TXNDC12: variants seen among roughly 807,000 people sequenced by gnomAD.
TXNDC12 encodes thioredoxin domain containing 12.
TXNDC12 carries 22 observed loss-of-function variants against 24.2 expected under a neutral mutation model. The ratio of observed to expected loss-of-function variants is 0.91; its 90% CI spans 0.65 to 1.30. The LOEUF is 1.30. Ranked by LOEUF, TXNDC12 falls within the 50% of genes most tolerant of loss-of-function variation. TXNDC12 has a pLI of 0.00. For synonymous variants in TXNDC12, 58 were observed against 73.4 expected, an observed-to-expected ratio of 0.79 and a Z score of 1.07; for missense variants, 184 against 205.8, an observed-to-expected ratio of 0.89 and a Z score of 0.65.
intron 2 of TXNDC12, among the ~76,000 whole-genome samples, chr1:52,039,655 C>A (rs1051103554): frequency 6.6e-6 from 1 of 152,120 alleles, no homozygotes. Flanking sequence ...TACTGCGATA[C>A]GCAATACACT....
chr1:52,044,824 A>C (rs1433599904), intron 1 of TXNDC12, among the ~76,000 whole-genome samples: 1 of 152,130 alleles, frequency 6.6e-6, no homozygotes, highest in Non-Finnish European at 1.5e-5. Context: ...AATACAAAAA[A>C]GTTAGCCAGG....
Position 52,023,482 on chromosome 1 carries a change from T to G in TXNDC12, c.439+9A>C, listed in dbSNP as rs377360669. The G allele has an allele frequency of 5.0e-6, 8 of 1,610,452 alleles. No individual in the cohort carries two copies. The African/African-American group carries it at 9.3e-5, about 19-fold the overall frequency. The stretch of plus-strand genomic sequence containing the variant: ...GCAATAATCCTCCCTCCCTTCAGCA[T>G]AACTATACCTTGCTCGGCACTGACA... On this transcript the variant is annotated intron_variant, in intron 6 of 6. Coordinates refer to ENST00000371626, the MANE Select transcript of TXNDC12 (RefSeq NM_015913.4).
chr1:52,023,677 A>G lies in TXNDC12; in HGVS notation c.356-103T>C, dbSNP rs1432349779. On this transcript the variant is annotated intron_variant, in intron 5 of 6. Transcript: ENST00000371626. Reference sequence around the variant, plus strand: ...GCCCTCTGGGAAATAAGATCTGCCCATATTTGCAGCCCATTACCTCACCAT... The same window carrying G: ...GCCCTCTGGGAAATAAGATCTGCCCGTATTTGCAGCCCATTACCTCACCAT... 2.4e-5 allele frequency: 20 copies of G among 840,268 alleles called. 1 individual carries two copies. The highest frequency in any genetic ancestry group is 1.0e-4 in the South Asian group (7 of 68,460). 52.1% of individuals were successfully genotyped at this position (840,268 alleles called of 1,614,324 possible). A position where few individuals can be genotyped will look rare whatever the true frequency, so the allele number is the denominator to read the frequency against.
chr1:52,033,558 C>A lies in TXNDC12; in HGVS notation c.159-4928G>T, dbSNP rs934711784. On this transcript the variant is annotated intron_variant, in intron 2 of 6. Transcript: ENST00000371626. Reference sequence around the variant, plus strand: ...TGACCACGTCGTGGCGACTCAGGCGCCGTTCCACGGAGGCTCGCAGAGCTC... The same window carrying A: ...TGACCACGTCGTGGCGACTCAGGCGACGTTCCACGGAGGCTCGCAGAGCTC... 1.9e-6 allele frequency: 3 copies of A among 1,613,828 alleles called. No homozygotes were observed. In the African/African-American group the frequency reaches 4.0e-5, roughly 22 times the overall value.
At chr1:52,033,525 G>A (rs1432184639) in intron 2 of TXNDC12, 1 of 1,614,006 alleles carries the variant, frequency 6.2e-7, no homozygotes, top group South Asian at 1.1e-5. Context: ...AGTTAAGCGA[G>A]TCCAGGATGA....
At chr1:52,030,117 C>A (rs1051698723) in intron 2 of TXNDC12, among the ~76,000 whole-genome samples, 1 of 152,100 alleles carries the variant, frequency 6.6e-6, no homozygotes, top group African/African-American at 2.4e-5. Context: ...CACCTGTAAT[C>A]TCAGCACTTT....
At chr1:52,050,901 C>G (rs966434949) in intron 1 of TXNDC12, 3 of 169,668 alleles carry the variant, frequency 1.8e-5, no homozygotes, top group Admixed American at 6.5e-5. Context: ...GAACCACTCC[C>G]AATGACAGCT....
chr1:52,054,327 T>C (rs1686281337), intron 1 of TXNDC12, among the ~76,000 whole-genome samples: 2 of 152,168 alleles, frequency 1.3e-5, no homozygotes, highest in Admixed American at 6.5e-5. Flanking sequence ...AAGTAAGGGC[T>C]GATGAGGAGA....
At chr1:52,039,411 T>A (rs545874678) in intron 2 of TXNDC12, among the ~76,000 whole-genome samples, 45 of 151,966 alleles carry the variant, frequency 3.0e-4, no homozygotes, top group Non-Finnish European at 5.7e-4. Context: ...TTACTGCAAC[T>A]CCGTCTCCCA....
At position 52,041,617 on chromosome 1, in the gene TXNDC12, T is replaced by C; in HGVS notation, c.98-20A>G. 9 of 1,571,650 alleles carry C rather than the reference T, an allele frequency of 5.7e-6. No homozygotes were observed. Among genetic ancestry groups the C allele is most frequent in the Non-Finnish European group, 7.9e-6 (9 of 1,144,308 alleles). On this transcript the variant is annotated intron_variant, in intron 1 of 6. Coordinates refer to ENST00000371626, the MANE Select transcript of TXNDC12 (RefSeq NM_015913.4). ...CAAAACCTGGAAGGAAAGAACTTTA[T>C]AAGCATTCACATAATGAACAAAGGG...
intron 2 of TXNDC12, among the ~76,000 whole-genome samples, chr1:52,039,343 T>C (rs556177050): frequency 6.6e-6 from 1 of 152,212 alleles, no homozygotes; most frequent in African/African-American, 2.4e-5. Flanking sequence ...ATTTTTTTTT[T>C]TTTGAGACCA....
At chr1:52,033,278 C>T (rs1685809274) in intron 2 of TXNDC12, 5 of 1,613,794 alleles carry the variant, frequency 3.1e-6, no homozygotes, top group South Asian at 2.2e-5. Context: ...CTTCCATTTA[C>T]TACAGAGTCC....
At chr1:52,054,866 T>G (rs1686300595) in intron 1 of TXNDC12, 134 bp downstream of exon 1, 4 of 620,346 alleles carry the variant, frequency 6.4e-6, no homozygotes, top group Non-Finnish European at 5.7e-6. Context: ...CCAGGAGCGG[T>G]TGGGGAAGAT....
At chr1:52,049,041 C>T (rs2124392632) in intron 1 of TXNDC12, among the ~76,000 whole-genome samples, 1 of 152,162 alleles carries the variant, frequency 6.6e-6, no homozygotes, top group East Asian at 1.9e-4. Flanking sequence ...CATGTGGCTA[C>T]AGAACAATTG....
In TXNDC12 at chr1:52,020,974, C is replaced by T. The variant is rs764676139; in HGVS notation, c.478G>A (p.Gly160Ser). The change falls in exon 7 of 7, where the codon GGT becomes AGT. Residue 160 changes from glycine to serine, a missense_variant. Physicochemically the swap from Gly to Ser is moderately conservative, Grantham distance 56. Transcript: ENST00000371626. The stretch of plus-strand genomic sequence containing the variant: ...AGATGTTTCTTTCTGAAGGCATCAC[C>T]CGTCAGCCTTTCCTGAGCTTCCTTC... Reference protein sequence around the residue: ...GMKEAQERLTGDAFRKKHLED... With the variant: ...GMKEAQERLTSDAFRKKHLED... 1 of 1,614,154 alleles carries T rather than the reference C, an allele frequency of 6.2e-7. No homozygotes were observed. Among genetic ancestry groups the T allele is most frequent in the South Asian group, 1.1e-5 (1 of 91,072 alleles).
At chr1:52,033,843 A>C in intron 2 of TXNDC12, 1 of 1,460,300 alleles carries the variant, frequency 6.8e-7, no homozygotes. Flanking sequence ...GGAAGTGCAA[A>C]CTGCTCTTCC....
At position 52,020,422 on chromosome 1, in the gene TXNDC12, A is replaced by G; in HGVS notation, c.*511T>C. On this transcript the variant is annotated 3_prime_UTR_variant, in exon 7 of 7. Coordinates refer to ENST00000371626, the MANE Select transcript of TXNDC12 (RefSeq NM_015913.4). ...CCCACAATTATTCCCAGGAGAAAAAAGGGAAAAAACAGGCTGATATCCTTG... is the reference window on the plus strand; with the variant it reads ...CCCACAATTATTCCCAGGAGAAAAAGGGGAAAAAACAGGCTGATATCCTTG... 1 of 260,590 alleles carries G rather than the reference A, an allele frequency of 3.8e-6. No individual in the cohort carries two copies. The highest frequency in any genetic ancestry group is 7.6e-6 in the Non-Finnish European group (1 of 131,194). The allele number at this position is 260,590 out of a possible 1,614,324, so 16.1% of individuals were successfully genotyped here.
intron 6 of TXNDC12, among the ~76,000 whole-genome samples, chr1:52,022,656 T>TTA (rs1685615386): frequency 6.8e-6 from 1 of 148,016 alleles, no homozygotes; most frequent in Non-Finnish European, 1.5e-5. Flanking sequence ...TTTTTTTTTT[T>TTA]GAGACAGAGT....
At chr1:52,033,789 G>C (rs1285831835) in intron 2 of TXNDC12, 1 of 1,540,396 alleles carries the variant, frequency 6.5e-7, no homozygotes, top group Non-Finnish European at 8.8e-7. Context: ...ATTGGCAACC[G>C]CGCTGCGCCA....
Sources: gnomAD v4.1 joint callset for allele counts (sites outside exome capture counted in the v4.1 genomes callset) on GRCh38, gnomAD v4.1.1 for gene constraint, MANE v1.5 for transcripts, NCBI Gene and HGNC (gene_info 2026-07-23, HGNC 2026-07-21) for gene names.